The following NRXN3 variants were observed in gnomAD, a reference collection of about 807,000 sequenced individuals.
The protein encoded by NRXN3 is neurexin III.
A neutral mutation model predicts 137.6 loss-of-function variants in NRXN3; 32 were observed. That is an observed-to-expected ratio of 0.23 (90% CI 0.18 to 0.31). NRXN3 has a LOEUF of 0.31. NRXN3 is among the 10% of genes least tolerant of loss of function. The pLI is 1.00. For synonymous variants in NRXN3, 798 were observed against 784.5 expected (o/e 1.02, Z -0.29); for missense variants, 1,574 against 2,062.5 (o/e 0.76, Z 4.59).
At chr14:78,325,649 G>T (rs1345624200) in intron 4 of NRXN3, among the ~76,000 whole-genome samples, 1 of 151,882 alleles carries the variant, frequency 6.6e-6, no homozygotes, top group Non-Finnish European at 1.5e-5. Context: ...CCAGAGAACA[G>T]TTTGAAAAAA....
intron 16 of NRXN3, among the ~76,000 whole-genome samples, chr14:79,540,479 T>G (rs1335722453): frequency 6.6e-6 from 1 of 152,140 alleles, no homozygotes; most frequent in Non-Finnish European, 1.5e-5. Flanking sequence ...AATACAATAT[T>G]TTTATCCCTA....
chr14:79,846,509 A>G (rs1027252323), intron 20 of NRXN3, among the ~76,000 whole-genome samples: 1 of 152,240 alleles, frequency 6.6e-6, no homozygotes, highest in Non-Finnish European at 1.5e-5. Context: ...TTCAGACTTA[A>G]GAAGGAAGAG....
rs1244280944 is a variant in NRXN3 at position 79,697,851 on chromosome 14, C to T, written c.3928C>T (p.Pro1310Ser). The change falls in exon 19 of 21, where the codon CCA becomes TCA. Residue 1310 changes from proline (P) to serine (S), a missense_variant. Pro to Ser is a moderately conservative substitution (Grantham distance 74). Transcript: ENST00000335750. ...LGTTQTTSMP[P>S]EMSTTVMETT... ...AACAACACAGACGACCTCCATGCCACCAGAAATGTCTACTACTGTCATGGA... is the reference window on the plus strand; with the variant it reads ...AACAACACAGACGACCTCCATGCCATCAGAAATGTCTACTACTGTCATGGA... 1.2e-6 allele frequency: 2 copies of T among 1,613,132 alleles called. No individual in the cohort carries two copies. The highest frequency in any genetic ancestry group is 1.7e-5 in the Admixed American group (1 of 59,890).
chr14:78,519,159 A>C (rs544694713), intron 4 of NRXN3, among the ~76,000 whole-genome samples: 46 of 152,270 alleles, frequency 3.0e-4, no homozygotes, highest in African/African-American at 1.1e-3. Flanking sequence ...ACCTTACAAG[A>C]AAGTTGAGAC....
intron 16 of NRXN3, among the ~76,000 whole-genome samples, chr14:79,506,133 C>A (rs2096875718): frequency 6.6e-6 from 1 of 152,170 alleles, no homozygotes; most frequent in Non-Finnish European, 1.5e-5. Context: ...TGTAAGATAA[C>A]TACAGGAGTG....
At chr14:78,399,700 C>T (rs956230879) in intron 4 of NRXN3, among the ~76,000 whole-genome samples, 1 of 152,212 alleles carries the variant, frequency 6.6e-6, no homozygotes, top group African/African-American at 2.4e-5. Flanking sequence ...GATGCATTGG[C>T]TATTTTTGAC....
chr14:78,559,461 A>G (rs1015975945), intron 4 of NRXN3, among the ~76,000 whole-genome samples: 1 of 152,290 alleles, frequency 6.6e-6, no homozygotes. Context: ...CACAATTACC[A>G]ATAGTGTGGT....
At chr14:79,701,084 A>T (rs566075527) in intron 19 of NRXN3, among the ~76,000 whole-genome samples, 1 of 152,174 alleles carries the variant, frequency 6.6e-6, no homozygotes, top group East Asian at 1.9e-4. Context: ...GCATAGCTTG[A>T]GGAAAGTGTT....
At chr14:78,855,340 A>G (rs1356519553) in intron 10 of NRXN3, among the ~76,000 whole-genome samples, 1 of 152,202 alleles carries the variant, frequency 6.6e-6, no homozygotes, top group Non-Finnish European at 1.5e-5. Context: ...GCAAACAAAC[A>G]AGATGAAAAC....
At chr14:79,369,027 T>C (rs2093996451) in intron 15 of NRXN3, among the ~76,000 whole-genome samples, 1 of 151,950 alleles carries the variant, frequency 6.6e-6, no homozygotes, top group African/African-American at 2.4e-5. Flanking sequence ...AACAATGGAG[T>C]TGGAAAATCA....
chr14:79,720,306 T>G (rs2098840126), intron 19 of NRXN3, among the ~76,000 whole-genome samples: 1 of 152,080 alleles, frequency 6.6e-6, no homozygotes, highest in Non-Finnish European at 1.5e-5. Flanking sequence ...TTCAGTTATC[T>G]CCTCCTTAAT....
At chr14:79,723,944 C>A (rs2098862096) in intron 19 of NRXN3, among the ~76,000 whole-genome samples, 1 of 152,066 alleles carries the variant, frequency 6.6e-6, no homozygotes, top group African/African-American at 2.4e-5. Context: ...TCTCAACTGC[C>A]TTTTAATAGA....
At chr14:78,382,449 C>T (rs1320071844) in intron 4 of NRXN3, among the ~76,000 whole-genome samples, 1 of 152,106 alleles carries the variant, frequency 6.6e-6, no homozygotes, top group African/African-American at 2.4e-5. Context: ...CCAAGAACTT[C>T]AGGGAAAGAT....
intron 4 of NRXN3, among the ~76,000 whole-genome samples, chr14:78,373,589 T>C (rs1046431721): frequency 4.6e-5 from 7 of 152,212 alleles, no homozygotes; most frequent in African/African-American, 1.7e-4. Flanking sequence ...GGGTGTCTCC[T>C]GGATGGAACA....
intron 15 of NRXN3, among the ~76,000 whole-genome samples, chr14:79,330,234 G>A (rs544483470): frequency 6.6e-6 from 1 of 152,242 alleles, no homozygotes; most frequent in Admixed American, 6.5e-5. Context: ...TATTGTGAGA[G>A]TCCAGGTATG....
At chr14:79,563,842 A>T (rs2097525160) in intron 16 of NRXN3, among the ~76,000 whole-genome samples, 1 of 151,972 alleles carries the variant, frequency 6.6e-6, no homozygotes, top group South Asian at 2.1e-4. Context: ...ATGGCCTCAA[A>T]TGATTCTGAC....
intron 15 of NRXN3, among the ~76,000 whole-genome samples, chr14:78,998,291 T>C (rs1055509478): frequency 8.5e-5 from 13 of 152,140 alleles, no homozygotes; most frequent in African/African-American, 3.1e-4. Flanking sequence ...GAGATTAGGG[T>C]GAAGGTAGCA....
At chr14:79,741,060 C>T (rs1006408994) in intron 19 of NRXN3, among the ~76,000 whole-genome samples, 1 of 151,854 alleles carries the variant, frequency 6.6e-6, no homozygotes, top group African/African-American at 2.4e-5. Flanking sequence ...ATATTAAATT[C>T]TTATATATCC....
chr14:79,149,067 T>A (rs1432852074), intron 15 of NRXN3, among the ~76,000 whole-genome samples: 2 of 152,162 alleles, frequency 1.3e-5, no homozygotes, highest in Non-Finnish European at 2.9e-5. Context: ...AAACCTCACA[T>A]GAGTATTTTA....
Sources: allele counts gnomAD v4.1 joint callset (sites outside exome capture counted in the v4.1 genomes callset), GRCh38; gene constraint gnomAD v4.1.1; transcripts MANE v1.5; gene names NCBI Gene and HGNC (gene_info 2026-07-23, HGNC 2026-07-21).